SOX5: variants seen among roughly 807,000 people sequenced by gnomAD.
SOX5 encodes the protein SRY-box transcription factor 5, also known as transcription factor SOX-5.
Under a neutral mutation model 92.0 loss-of-function variants are expected in SOX5, and 9 were observed. The ratio of observed to expected loss-of-function variants is 0.10; its 90% confidence interval spans 0.06 to 0.17. SOX5 has a LOEUF of 0.17. SOX5 is among the 10% of genes least tolerant of loss of function. The pLI, the probability that SOX5 is intolerant of heterozygous loss-of-function variation, is 1.00. For synonymous variants in SOX5, 344 were observed against 336.3 expected (o/e 1.02, Z -0.25); for missense variants, 642 against 944.5 (o/e 0.68, Z 4.20).
intron 6 of SOX5, among the ~76,000 whole-genome samples, chr12:23,708,312 C>T (rs1433553616): frequency 6.8e-6 from 1 of 147,420 alleles, no homozygotes; most frequent in Admixed American, 6.7e-5. Context: ...GAAAAGGAAT[C>T]CATATAAAAA....
intron 1 of SOX5, among the ~76,000 whole-genome samples, chr12:24,492,353 G>A (rs1271211101): frequency 6.6e-6 from 1 of 152,138 alleles, no homozygotes; most frequent in African/African-American, 2.4e-5. Flanking sequence ...CTTCTTTGGT[G>A]TGAAGCAAAA....
intron 1 of SOX5, among the ~76,000 whole-genome samples, chr12:24,414,352 C>T (rs1255341375): frequency 6.6e-6 from 1 of 152,024 alleles, no homozygotes; most frequent in East Asian, 1.9e-4. Context: ...CAGTGGATCC[C>T]ATTGGGGGAA....
At chr12:23,973,966 G>A (rs1465665706) in intron 4 of SOX5, among the ~76,000 whole-genome samples, 1 of 152,124 alleles carries the variant, frequency 6.6e-6, no homozygotes, top group East Asian at 1.9e-4. Context: ...ATAAAAAATT[G>A]TCTTCCACAA....
At chr12:24,239,511 C>T (rs533537605) in intron 3 of SOX5, among the ~76,000 whole-genome samples, 38 of 152,092 alleles carry the variant, frequency 2.5e-4, no homozygotes, top group Non-Finnish European at 4.4e-4. Context: ...AAATCACCAG[C>T]GTGGGGAGAG....
chr12:24,354,879 A>G (rs1954601797), intron 2 of SOX5, among the ~76,000 whole-genome samples: 1 of 152,174 alleles, frequency 6.6e-6, no homozygotes, highest in African/African-American at 2.4e-5. Context: ...AAGAGGCCCA[A>G]TCAAGGATGC....
At position 23,939,396 on chromosome 12, in the gene SOX5, T is replaced by C. The variant is rs534867667; in HGVS notation, c.38+10168A>G. Among the ~76,000 whole-genome samples the C allele has an allele frequency of 3.3e-5, 5 of 151,004 alleles. No homozygotes were observed. In the South Asian group the frequency reaches 1.0e-3, roughly 31 times the overall value. On this transcript the variant is annotated intron_variant, in intron 1 of 14. Coordinates refer to ENST00000451604, the MANE Select transcript of SOX5 (RefSeq NM_006940.6). ...TTTCTTTCTTTTTTCAACATTTATA[T>C]CTATAGAAGGAGAACAAGAGAATAA...
chr12:24,142,429 G>A (rs1197576973), intron 4 of SOX5, among the ~76,000 whole-genome samples: 1 of 152,068 alleles, frequency 6.6e-6, no homozygotes, highest in Non-Finnish European at 1.5e-5. Context: ...TACACCCAAA[G>A]TTGTATTGAT....
chr12:24,315,971 C>G (rs775845177), intron 2 of SOX5, among the ~76,000 whole-genome samples: 1 of 152,304 alleles, frequency 6.6e-6, no homozygotes, highest in East Asian at 1.9e-4. Flanking sequence ...GGCCTTCAGC[C>G]ACGGGCTTCT....
intron 1 of SOX5, among the ~76,000 whole-genome samples, chr12:24,445,004 A>T (rs1238466018): frequency 6.6e-6 from 1 of 152,220 alleles, no homozygotes; most frequent in Non-Finnish European, 1.5e-5. Context: ...TAAATACTAG[A>T]TGATTTTTTC....
intron 4 of SOX5, among the ~76,000 whole-genome samples, chr12:23,958,229 A>T (rs1946495771): frequency 6.6e-6 from 1 of 152,098 alleles, no homozygotes; most frequent in African/African-American, 2.4e-5. Context: ...TTAGTAAACA[A>T]ATCAACTTAA....
chr12:23,777,361 T>G (rs552092114), intron 3 of SOX5, among the ~76,000 whole-genome samples: 1 of 152,312 alleles, frequency 6.6e-6, no homozygotes, highest in Non-Finnish European at 1.5e-5. Flanking sequence ...TTGTTAGATC[T>G]AATTAAATAT....
At chr12:23,790,171 G>A (rs1274214809) in intron 3 of SOX5, among the ~76,000 whole-genome samples, 1 of 151,998 alleles carries the variant, frequency 6.6e-6, no homozygotes, top group South Asian at 2.1e-4. Flanking sequence ...GTATGAAATA[G>A]AACAACATTT....
At chr12:23,577,583 G>A (rs1949365642) in intron 9 of SOX5, among the ~76,000 whole-genome samples, 1 of 151,728 alleles carries the variant, frequency 6.6e-6, no homozygotes, top group South Asian at 2.1e-4. Flanking sequence ...CCCATGAACA[G>A]ACTAGGAAAA....
intron 11 of SOX5, among the ~76,000 whole-genome samples, chr12:23,562,476 G>A (rs1946379944): frequency 6.6e-6 from 1 of 152,154 alleles, no homozygotes; most frequent in Non-Finnish European, 1.5e-5. Flanking sequence ...TTATTGCTAA[G>A]TAGCTGATCA....
intron 4 of SOX5, among the ~76,000 whole-genome samples, chr12:24,072,512 G>A (rs1941928167): frequency 6.6e-6 from 1 of 152,214 alleles, no homozygotes; most frequent in South Asian, 2.1e-4. Flanking sequence ...TCACAGATTT[G>A]AGAAATCATC....
intron 1 of SOX5, among the ~76,000 whole-genome samples, chr12:24,443,263 T>C (rs1940941823): frequency 6.6e-6 from 1 of 152,196 alleles, no homozygotes; most frequent in Admixed American, 6.5e-5. Flanking sequence ...AGTTTATGGA[T>C]TATTTTTAAA....
intron 4 of SOX5, among the ~76,000 whole-genome samples, chr12:24,211,806 G>A (rs1019608988): frequency 1.3e-5 from 2 of 152,144 alleles, no homozygotes; most frequent in Admixed American, 1.3e-4. Context: ...AAGACTACAG[G>A]GATCTATGAG....
intron 4 of SOX5, among the ~76,000 whole-genome samples, chr12:23,988,950 T>C (rs1950302474): frequency 6.6e-6 from 1 of 152,142 alleles, no homozygotes; most frequent in Non-Finnish European, 1.5e-5. Context: ...TGAATAGTGT[T>C]TTCTAGAGTT....
At chr12:23,760,762 C>T (rs1187269773) in intron 3 of SOX5, among the ~76,000 whole-genome samples, 2 of 152,070 alleles carry the variant, frequency 1.3e-5, no homozygotes, top group African/African-American at 4.8e-5. Flanking sequence ...CCTAGAGACT[C>T]ATGCCAACAT....
Sources: allele counts gnomAD v4.1 joint callset (sites outside exome capture counted in the v4.1 genomes callset), GRCh38; gene constraint gnomAD v4.1.1; transcripts MANE v1.5; gene names NCBI Gene and HGNC (gene_info 2026-07-23, HGNC 2026-07-21).